The following EIF2S2 variants were observed in gnomAD, a reference collection of about 807,000 sequenced individuals.
EIF2S2 encodes eukaryotic translation initiation factor 2 subunit 2.
EIF2S2 carries 4 observed loss-of-function variants against 44.0 expected under a neutral mutation model. The ratio of observed to expected loss-of-function variants is 0.09; its 90% confidence interval spans 0.04 to 0.21. The LOEUF is 0.21. EIF2S2 is among the 10% of genes least tolerant of loss of function. The pLI, the probability that EIF2S2 is intolerant of heterozygous loss-of-function variation, is 1.00. For synonymous variants in EIF2S2, 108 were observed against 128.3 expected (o/e 0.84, Z 1.07); for missense variants, 154 against 392.0 (o/e 0.39, Z 5.13).
intron 2 of EIF2S2, among the ~76,000 whole-genome samples, chr20:34,104,646 A>C (rs756746663): frequency 2.6e-5 from 4 of 152,234 alleles, no homozygotes; most frequent in Non-Finnish European, 5.9e-5. Context: ...AATGAGTAAT[A>C]ATAGGTTCTG....
At chr20:34,090,450 T>C in intron 8 of EIF2S2, 67 bp downstream of exon 8, 1 of 998,060 alleles carries the variant, frequency 1.0e-6, no homozygotes, top group Non-Finnish European at 1.4e-6. Flanking sequence ...CAAATGGCTC[T>C]TCCTCTAACA....
At chr20:34,107,950 G>C (rs978859689) in intron 1 of EIF2S2, among the ~76,000 whole-genome samples, 1 of 152,170 alleles carries the variant, frequency 6.6e-6, no homozygotes, top group Middle Eastern at 3.2e-3. Context: ...GAGCAAAGAG[G>C]AAAGAGTCCC....
Position 34,097,425 on chromosome 20 carries a change from T to C in EIF2S2, c.525A>G (p.Thr175=), listed in dbSNP as rs1319897288. 3 of 1,613,066 alleles carry C rather than the reference T, an allele frequency of 1.9e-6. No individual in the cohort carries two copies. The highest frequency in any genetic ancestry group is 2.5e-6 in the Non-Finnish European group (3 of 1,179,672). Residue 175 remains threonine (T), a synonymous_variant, in exon 5 of 9, where the codon ACA becomes ACG. Coordinates refer to ENST00000374980, the MANE Select transcript of EIF2S2 (RefSeq NM_003908.5). The part of the protein sequence containing the change: ...PAWAGSERDY[T]YEELLNRVFN... ...ACAGATTTTGTCTTACCTCCTCGTA[T>C]GTGTAGTCTCTTTCTGAGCCTGCCC...
chr20:34,103,116 C>T (rs1601537102), intron 3 of EIF2S2, among the ~76,000 whole-genome samples: 1 of 152,094 alleles, frequency 6.6e-6, no homozygotes, highest in African/African-American at 2.4e-5. Context: ...CAATATGTTA[C>T]CAAAAGTTTA....
At position 34,096,674 on chromosome 20, in the gene EIF2S2, A is replaced by G. The variant is rs541134064; in HGVS notation, c.666T>C (p.Phe222=). ...VGTKKTSFVN[F]TDICKLLHRQ... The stretch of plus-strand genomic sequence containing the variant: ...CAACTTACAGTTTACAGATATCTGT[A>G]AAGTTGACAAAAGAAGTTTTCTTGG... The change falls in exon 6 of 9, where the codon TTT becomes TTC. Residue 222 remains phenylalanine, a synonymous_variant. Coordinates refer to ENST00000374980, the MANE Select transcript of EIF2S2 (RefSeq NM_003908.5). 5.0e-6 allele frequency: 8 copies of G among 1,601,630 alleles called. No individual in the cohort carries two copies. In the East Asian group the frequency reaches 1.1e-4, roughly 22 times the overall value.
At chr20:34,098,996 T>G (rs1431615838) in intron 3 of EIF2S2, among the ~76,000 whole-genome samples, 1 of 152,232 alleles carries the variant, frequency 6.6e-6, no homozygotes, top group Admixed American at 6.5e-5. Flanking sequence ...GTGGGATCTT[T>G]CCCCCTCATT....
chr20:34,098,700 T>A, intron 3 of EIF2S2, 67 bp from the exon 4 acceptor site: 2 of 1,540,992 alleles, frequency 1.3e-6, no homozygotes, highest in Non-Finnish European at 1.7e-6. Flanking sequence ...TTTTATTACA[T>A]TTTCTGTTGA....
chr20:34,112,038 G>T (rs2034419967), intron 1 of EIF2S2, 58 bp downstream of exon 1: 1 of 1,378,142 alleles, frequency 7.3e-7, no homozygotes, highest in African/African-American at 1.5e-5. Flanking sequence ...TCCCACACTG[G>T]AGTGGGTTAG....
At chr20:34,104,074 T>C (rs2034323081) in intron 2 of EIF2S2, among the ~76,000 whole-genome samples, 1 of 152,192 alleles carries the variant, frequency 6.6e-6, no homozygotes, top group Non-Finnish European at 1.5e-5. Flanking sequence ...AAAAATCTGG[T>C]TAGGGGACCA....
At position 34,096,680 on chromosome 20, in the gene EIF2S2, G is replaced by A. The variant is rs560306511; in HGVS notation, c.660C>T (p.Val220=). ...VRVGTKKTSF[V]NFTDICKLLH... ...ACAGTTTACAGATATCTGTAAAGTT[G>A]ACAAAAGAAGTTTTCTTGGTTCCTA... The change falls in exon 6 of 9, where the codon GTC becomes GTT. Residue 220 remains valine, a synonymous_variant. Coordinates refer to ENST00000374980, the MANE Select transcript of EIF2S2 (RefSeq NM_003908.5). The A allele has an allele frequency of 1.9e-6, 3 of 1,602,846 alleles. No homozygotes were observed. The highest frequency in any genetic ancestry group is 2.7e-5 in the African/African-American group (2 of 74,324).
At chr20:34,109,316 T>C (rs1206689435) in intron 1 of EIF2S2, among the ~76,000 whole-genome samples, 1 of 152,234 alleles carries the variant, frequency 6.6e-6, no homozygotes. Flanking sequence ...ACAAATAGTC[T>C]GAAAATTACT....
At chr20:34,095,554 C>T (rs556250950) in intron 6 of EIF2S2, among the ~76,000 whole-genome samples, 10 of 152,250 alleles carry the variant, frequency 6.6e-5, no homozygotes, top group South Asian at 2.1e-4. Context: ...CCTTGTGATC[C>T]GCCCACCTCG....
chr20:34,103,899 C>G, intron 2 of EIF2S2, among the ~76,000 whole-genome samples: 1 of 152,036 alleles, frequency 6.6e-6, no homozygotes, highest in East Asian at 1.9e-4. Flanking sequence ...TAAGTAGAGA[C>G]AGGGTTTCAC....
At chr20:34,109,087 T>C (rs2034381407) in intron 1 of EIF2S2, among the ~76,000 whole-genome samples, 1 of 152,168 alleles carries the variant, frequency 6.6e-6, no homozygotes, top group Non-Finnish European at 1.5e-5. Context: ...AATGCCACCA[T>C]GCCTGGCTTA....
At chr20:34,092,528 C>G (rs759906738) in intron 7 of EIF2S2, among the ~76,000 whole-genome samples, 1 of 152,088 alleles carries the variant, frequency 6.6e-6, no homozygotes, top group Non-Finnish European at 1.5e-5. Flanking sequence ...ATTAGCTGGG[C>G]GTGGTGGCGG....
intron 6 of EIF2S2, among the ~76,000 whole-genome samples, chr20:34,094,478 C>G (rs1165257847): frequency 6.6e-6 from 1 of 151,868 alleles, no homozygotes; most frequent in Non-Finnish European, 1.5e-5. Context: ...CAACATATAC[C>G]AAACCTAGGT....
chr20:34,103,419 T>C, intron 3 of EIF2S2, 43 bp downstream of exon 3: 1 of 1,504,704 alleles, frequency 6.6e-7, no homozygotes. Context: ...TTAGCAACCT[T>C]GCAAGAGGTC....
chr20:34,090,470 C>G lies in EIF2S2; in HGVS notation c.826+47G>C, dbSNP rs149140400. The G allele has an allele frequency of 1.1e-4, 129 of 1,223,140 alleles. No individual in the cohort carries two copies. The African/African-American group carries it at 1.8e-3, about 17-fold the overall frequency. The allele number at this position is 1,223,140 out of a possible 1,614,324, so 75.8% of individuals were successfully genotyped here. ...GGCTCTTCCTCTAACACTGCAGCCT[C>G]ATGAGAACATTTCAGGGTGATCTAA... On this transcript the variant is annotated intron_variant, in intron 8 of 8. Transcript: ENST00000374980.
chr20:34,089,802 A>G lies in EIF2S2; in HGVS notation c.930T>C (p.Ser310=). Residue 310 remains serine (S), a synonymous_variant, in exon 9 of 9, where the codon TCT becomes TCC. Transcript: ENST00000374980. ...GGAAGCCGGTTTTGATACTGGCAACAGAACATCTAGAATGACAAGTTTCGC... is the reference window on the plus strand; with the variant it reads ...GGAAGCCGGTTTTGATACTGGCAACGGAACATCTAGAATGACAAGTTTCGC... ...LQCETCHSRC[S]VASIKTGFQA... is the part of the protein sequence containing the mutation. The G allele has an allele frequency of 6.2e-7, 1 of 1,613,952 alleles. No homozygotes were observed. The highest frequency in any genetic ancestry group is 8.5e-7 in the Non-Finnish European group (1 of 1,179,874).
Sources: allele counts gnomAD v4.1 joint callset (sites outside exome capture counted in the v4.1 genomes callset), GRCh38; gene constraint gnomAD v4.1.1; transcripts MANE v1.5; gene names NCBI Gene and HGNC (gene_info 2026-07-23, HGNC 2026-07-21).